The following UBE2E3 variants were observed in gnomAD, a reference collection of about 807,000 sequenced individuals.
UBE2E3 encodes ubiquitin-conjugating enzyme E2 E3.
Under a neutral mutation model 23.6 loss-of-function variants are expected in UBE2E3, and 5 were observed. The ratio of observed to expected loss-of-function variants is 0.21; its 90% confidence interval spans 0.11 to 0.44. UBE2E3 has a LOEUF of 0.44. Ranked by LOEUF, UBE2E3 falls within the 20% of genes least tolerant of loss-of-function variation. UBE2E3 has a pLI of 0.99. For synonymous variants in UBE2E3, 78 were observed against 87.5 expected (o/e 0.89, Z 0.60); for missense variants, 81 against 249.8 (o/e 0.32, Z 4.55).
chr2:181,051,070 A>T (rs566358421), intron 3 of UBE2E3, among the ~76,000 whole-genome samples: 1 of 151,878 alleles, frequency 6.6e-6, no homozygotes, highest in Non-Finnish European at 1.5e-5. Context: ...AGAGGCAATA[A>T]CTATCCTGTA....
chr2:180,989,765 T>G, intron 3 of UBE2E3: 1 of 1,146,660 alleles, frequency 8.7e-7, no homozygotes, highest in Non-Finnish European at 1.2e-6. Flanking sequence ...AAGTTATATG[T>G]TTACTTCGCA....
intron 3 of UBE2E3, among the ~76,000 whole-genome samples, chr2:181,037,876 G>A (rs911585384): frequency 8.5e-5 from 13 of 152,148 alleles, no homozygotes; most frequent in African/African-American, 3.1e-4. Flanking sequence ...GCTGAGGTGG[G>A]AGGACCACTT....
chr2:180,980,861 C>T lies in UBE2E3; in HGVS notation c.-138C>T, dbSNP rs1684258092. The T allele has an allele frequency of 1.3e-5, 2 of 149,404 alleles. No homozygotes were observed. The highest frequency in any genetic ancestry group is 2.4e-5 in the African/African-American group (1 of 41,078). 9.3% of individuals were successfully genotyped at this position (149,404 alleles called of 1,614,324 possible). A position where few individuals can be genotyped will look rare whatever the true frequency, so the allele number is the denominator to read the frequency against. On this transcript the variant is annotated 5_prime_UTR_variant, in exon 1 of 6. Transcript: ENST00000410062. This position sits in a 1 kb window ranked among gnomAD's most constrained non-coding sequence, Gnocchi z 5.5. ...GAGCCTCCTCGGCTTCTTTTTTTCC[C>T]TCCCCCCCCTTCCCCCCCCCACAGC...
chr2:181,050,152 C>A (rs1686782295), intron 3 of UBE2E3, among the ~76,000 whole-genome samples: 1 of 151,832 alleles, frequency 6.6e-6, no homozygotes, highest in Non-Finnish European at 1.5e-5. Context: ...GGAAAAGAAT[C>A]CACTTCTTTA....
chr2:181,019,003 G>A (rs555220308), intron 3 of UBE2E3, among the ~76,000 whole-genome samples: 74 of 151,816 alleles, frequency 4.9e-4, no homozygotes, highest in Non-Finnish European at 8.2e-4. Context: ...TGCTCTTGTC[G>A]CCCAGGCTGG....
intron 3 of UBE2E3, among the ~76,000 whole-genome samples, chr2:181,007,719 C>T (rs1429852500): frequency 6.6e-6 from 1 of 152,018 alleles, no homozygotes; most frequent in East Asian, 1.9e-4. Flanking sequence ...GCCAGTAGAG[C>T]CAAAGGTGCT....
intron 3 of UBE2E3, among the ~76,000 whole-genome samples, chr2:181,027,970 G>T (rs1463993863): frequency 6.6e-6 from 1 of 151,838 alleles, no homozygotes; most frequent in African/African-American, 2.4e-5. Context: ...AAACTAGATG[G>T]TATCATTGAA....
chr2:180,991,731 G>C (rs1490787977), intron 3 of UBE2E3, among the ~76,000 whole-genome samples: 2 of 152,158 alleles, frequency 1.3e-5, no homozygotes, highest in East Asian at 3.8e-4. Context: ...TGCTGCTGCT[G>C]CTGTGGCCCA....
intron 3 of UBE2E3, among the ~76,000 whole-genome samples, chr2:180,993,161 T>C (rs1204793881): frequency 6.6e-6 from 1 of 152,234 alleles, no homozygotes; most frequent in Non-Finnish European, 1.5e-5. Flanking sequence ...CTGTTTTGGA[T>C]GTGCCCGTCG....
chr2:181,001,148 C>G (rs1259901595), intron 3 of UBE2E3, among the ~76,000 whole-genome samples: 1 of 152,186 alleles, frequency 6.6e-6, no homozygotes, highest in African/African-American at 2.4e-5. Flanking sequence ...ACCACTACTT[C>G]AGAAGAATGC....
At chr2:181,041,259 AT>A (rs528739856) in intron 3 of UBE2E3, among the ~76,000 whole-genome samples, 5 of 140,932 alleles carry the variant, frequency 3.5e-5, no homozygotes, top group African/African-American at 8.0e-5. Context: ...AAAAAGATAG[AT>A]TTTTTTTTTC....
At chr2:181,062,293 T>C (rs1054704816) in intron 5 of UBE2E3, among the ~76,000 whole-genome samples, 2 of 151,680 alleles carry the variant, frequency 1.3e-5, no homozygotes. Flanking sequence ...AGTTCAGAAT[T>C]CTACTTAAAA....
At chr2:181,019,288 C>T in intron 3 of UBE2E3, among the ~76,000 whole-genome samples, 1 of 152,174 alleles carries the variant, frequency 6.6e-6, no homozygotes, top group East Asian at 1.9e-4. Context: ...GAATACGGGT[C>T]CCTGAAATTC....
intron 3 of UBE2E3, among the ~76,000 whole-genome samples, chr2:181,029,254 A>C (rs1008146249): frequency 6.6e-6 from 1 of 152,108 alleles, no homozygotes; most frequent in Non-Finnish European, 1.5e-5. Flanking sequence ...TAGTAGGACA[A>C]GTATCTGTAT....
chr2:180,998,960 G>A (rs1323478696), intron 3 of UBE2E3, among the ~76,000 whole-genome samples: 1 of 151,944 alleles, frequency 6.6e-6, no homozygotes, highest in Non-Finnish European at 1.5e-5. Flanking sequence ...CTATAGATAT[G>A]CAGATAAGAT....
intron 3 of UBE2E3, among the ~76,000 whole-genome samples, chr2:180,999,787 G>A (rs1684939458): frequency 6.6e-6 from 1 of 152,134 alleles, no homozygotes; most frequent in African/African-American, 2.4e-5. Context: ...GCTTGAGCAA[G>A]TTATCTCCTC....
intron 3 of UBE2E3, among the ~76,000 whole-genome samples, chr2:181,009,935 C>A (rs1299368078): frequency 1.3e-5 from 2 of 151,894 alleles, no homozygotes; most frequent in Non-Finnish European, 2.9e-5. Flanking sequence ...TTTTTTAATA[C>A]TTTTTTTACT....
At chr2:181,049,762 AAT>A (rs1686771126) in intron 3 of UBE2E3, among the ~76,000 whole-genome samples, 1 of 152,000 alleles carries the variant, frequency 6.6e-6, no homozygotes, top group African/African-American at 2.4e-5. Context: ...GACTGCCAGA[AAT>A]AGTTATTAAT....
chr2:181,060,856 GAGTGCT>G, intron 5 of UBE2E3, 44 bp downstream of exon 5: 1 of 466,202 alleles, frequency 2.1e-6, no homozygotes, highest in Non-Finnish European at 3.2e-6. Flanking sequence ...CTACAAAAAC[GAGTGCT>G]TTTTTTTTTT....
Sources: allele counts gnomAD v4.1 joint callset (sites outside exome capture counted in the v4.1 genomes callset), GRCh38; gene constraint gnomAD v4.1.1; non-coding constraint Gnocchi (gnomAD v3.1); transcripts MANE v1.5; gene names NCBI Gene and HGNC (gene_info 2026-07-23, HGNC 2026-07-21).